SHANK2: variants seen among roughly 807,000 people sequenced by gnomAD.
SHANK2 encodes the protein SH3 and multiple ankyrin repeat domains 2, also known as SH3 and multiple ankyrin repeat domains protein 2.
In SHANK2, 43 loss-of-function variants were observed where a neutral mutation model predicts 133.7. The observed-to-expected ratio is 0.32, with a 90% CI of 0.25 to 0.41. The LOEUF (loss-of-function observed/expected upper bound fraction) is 0.41. Among genes scored for constraint, SHANK2 ranks in the 10% least tolerant of loss-of-function variants. The pLI is 1.00. For synonymous variants in SHANK2, 1,017 were observed against 952.8 expected, an observed-to-expected ratio of 1.07 and a Z score of -1.24; for missense variants, 1,994 against 2,235.8, an observed-to-expected ratio of 0.89 and a Z score of 2.18.
chr11:70,482,493 C>G (rs1555151976), intron 25 of SHANK2, among the ~76,000 whole-genome samples: 1 of 152,216 alleles, frequency 6.6e-6, no homozygotes, highest in African/African-American at 2.4e-5. Context: ...AAACCCTGAG[C>G]CAGCTCCATG....
chr11:71,102,323 C>T (rs555935271), intron 6 of SHANK2, among the ~76,000 whole-genome samples: 109 of 152,026 alleles, frequency 7.2e-4, no homozygotes, highest in Non-Finnish European at 1.4e-3. Flanking sequence ...GAACAGGTAC[C>T]AGATGGTCGC....
chr11:70,811,532 C>A (rs1278580807), intron 12 of SHANK2, among the ~76,000 whole-genome samples: 1 of 151,898 alleles, frequency 6.6e-6, no homozygotes, highest in Non-Finnish European at 1.5e-5. Flanking sequence ...CATCCACCCA[C>A]CCACTCATCC....
intron 2 of SHANK2, among the ~76,000 whole-genome samples, chr11:71,219,283 G>A (rs142066127): frequency 7.9e-4 from 121 of 152,294 alleles, no homozygotes; most frequent in African/African-American, 2.8e-3. Flanking sequence ...CACACACAAC[G>A]TGGAAAGAGA....
At chr11:70,795,441 T>C (rs1947890637) in intron 14 of SHANK2, among the ~76,000 whole-genome samples, 1 of 147,400 alleles carries the variant, frequency 6.8e-6, no homozygotes, top group African/African-American at 2.5e-5. Flanking sequence ...AGTCTTGCTA[T>C]GTTGCCCAGG....
intron 8 of SHANK2, among the ~76,000 whole-genome samples, chr11:71,085,699 TTA>T (rs1240551954): frequency 0.19 from 9,263 of 48,794 alleles, 735 homozygotes; most frequent in South Asian, 0.25. Context: ...ATATAACATA[TTA>T]TATGTTATAT....
chr11:70,596,306 C>A (rs2060399378), intron 17 of SHANK2, among the ~76,000 whole-genome samples: 1 of 151,844 alleles, frequency 6.6e-6, no homozygotes, highest in South Asian at 2.1e-4. Flanking sequence ...CACAGGCAGA[C>A]CTGGCGCCTG....
At position 70,820,166 on chromosome 11, in the gene SHANK2, G is replaced by A. The variant is rs139280558; in HGVS notation, c.1493+198C>T. On this transcript the variant is annotated intron_variant, in intron 12 of 25. Coordinates refer to ENST00000601538, the MANE Select transcript of SHANK2 (RefSeq NM_012309.5). ...TTCATCGTGTGCCTCCATGAGGCTC[G>A]GGAAGGTGACCCCAGCCCCCCAAGG... Among the ~76,000 whole-genome samples the A allele has an allele frequency of 4.0e-3, 604 of 152,316 alleles. 5 individuals are homozygous for A. The highest frequency in any genetic ancestry group is 0.013 in the African/African-American group (551 of 41,588).
At chr11:71,153,374 T>G (rs1239435208) in intron 2 of SHANK2, among the ~76,000 whole-genome samples, 1 of 151,936 alleles carries the variant, frequency 6.6e-6, no homozygotes, top group Non-Finnish European at 1.5e-5. Flanking sequence ...TTGGCCCTCC[T>G]AGAGTAGCTA....
chr11:70,639,821 G>C (rs1317320721), intron 17 of SHANK2, among the ~76,000 whole-genome samples: 1 of 152,068 alleles, frequency 6.6e-6, no homozygotes, highest in Non-Finnish European at 1.5e-5. Context: ...GAGCCCCAAG[G>C]GGTCTTTACC....
chr11:71,247,593 G>A (rs997296276), intron 1 of SHANK2, among the ~76,000 whole-genome samples: 1 of 151,740 alleles, frequency 6.6e-6, no homozygotes, highest in Non-Finnish European at 1.5e-5. Context: ...TCTAATGCAC[G>A]CCTCCTGGGG....
rs1555013371 is a variant in SHANK2, at chr11:70,661,674, A to T, written c.1858T>A (p.Cys620Ser). 1 of 1,614,138 alleles carries T rather than the reference A, an allele frequency of 6.2e-7. No individual in the cohort carries two copies. The highest frequency in any genetic ancestry group is 2.2e-5 in the East Asian group (1 of 44,862). Reference sequence around the variant, plus strand: ...ACCACCGTCTTCTCCTCAATAATGCAGTCACTGTAGAGAGAATTCCGGGGA... The same window carrying T: ...ACCACCGTCTTCTCCTCAATAATGCTGTCACTGTAGAGAGAATTCCGGGGA... Reference protein sequence around the residue: ...SYDSFDTSSDCIIEEKTVVLQ... With the variant: ...SYDSFDTSSDSIIEEKTVVLQ... Residue 620 changes from cysteine (C) to serine (S), a missense_variant, in exon 16 of 26, where the codon TGC becomes AGC. This residue lies in a region of SHANK2 where 653 missense variants were observed against 563.4 expected (regional missense o/e 1.16). Coordinates refer to ENST00000601538, the MANE Select transcript of SHANK2 (RefSeq NM_012309.5).
rs1405553865 is a variant in SHANK2 at position 71,164,888 on chromosome 11, C to A, written c.-12-17550G>T. On this transcript the variant is annotated intron_variant, in intron 2 of 25. Transcript: ENST00000601538. The stretch of plus-strand genomic sequence containing the variant: ...CTGCTTGGGGACGGCTATGACTCCA[C>A]CATGAGTGGGGCTGTGGCTACTCCA... 4.2e-4 allele frequency among the ~76,000 whole-genome samples: 64 copies of A among 152,288 alleles called. 2 individuals are homozygous for A. Among genetic ancestry groups the A allele is most frequent in the Admixed American group, 3.0e-3 (46 of 15,294 alleles).
chr11:70,827,691 AC>A (rs1948665893), intron 11 of SHANK2, among the ~76,000 whole-genome samples: 1 of 358 alleles, frequency 2.8e-3, no homozygotes, highest in Admixed American at 0.036. Context: ...GAAATTTAAA[AC>A]ACACACACAC....
intron 2 of SHANK2, among the ~76,000 whole-genome samples, chr11:71,173,251 G>A (rs990599672): frequency 3.3e-5 from 5 of 152,190 alleles, no homozygotes; most frequent in African/African-American, 7.2e-5. Context: ...AAGATGAAAC[G>A]GAAGAGGGAA....
intron 3 of SHANK2, among the ~76,000 whole-genome samples, chr11:71,127,150 G>T (rs1952207504): frequency 6.6e-6 from 1 of 152,204 alleles, no homozygotes; most frequent in Non-Finnish European, 1.5e-5. Context: ...AAGAGAACTG[G>T]AATTAGAAGT....
chr11:70,611,380 T>C (rs185036252), intron 17 of SHANK2, among the ~76,000 whole-genome samples: 2 of 151,682 alleles, frequency 1.3e-5, no homozygotes, highest in East Asian at 3.9e-4. Context: ...TCCTCGACAG[T>C]TTTCTCAACT....
At chr11:70,639,930 G>T (rs977525430) in intron 17 of SHANK2, among the ~76,000 whole-genome samples, 1 of 152,228 alleles carries the variant, frequency 6.6e-6, no homozygotes, top group Non-Finnish European at 1.5e-5. Flanking sequence ...GAAGGGGCTA[G>T]GTCTCAGACA....
chr11:70,654,512 T>G (rs1225341294), intron 17 of SHANK2: 5 of 152,356 alleles, frequency 3.3e-5, no homozygotes, highest in African/African-American at 1.2e-4. Context: ...TTCTATTCTA[T>G]GACTATACTG....
At chr11:70,911,736 G>T (rs1555079055) in intron 10 of SHANK2, among the ~76,000 whole-genome samples, 2 of 152,056 alleles carry the variant, frequency 1.3e-5, no homozygotes, top group African/African-American at 4.8e-5. Flanking sequence ...ATTGTTGTTT[G>T]CTCAGGAACA....
Sources: gnomAD v4.1 joint callset for allele counts (sites outside exome capture counted in the v4.1 genomes callset) on GRCh38, gnomAD v4.1.1 for gene constraint, gnomAD v4.1.1 regional missense constraint, MANE v1.5 for transcripts, NCBI Gene and HGNC (gene_info 2026-07-23, HGNC 2026-07-21) for gene names.